Variants in AVEN observed in about 807,000 individuals in gnomAD.
The protein encoded by AVEN is cell death regulator Aven.
A neutral mutation model predicts 38.1 loss-of-function variants in AVEN; 41 were observed. The ratio of observed to expected loss-of-function variants is 1.08; its 90% confidence interval spans 0.84 to 1.40. The LOEUF is 1.40. AVEN is among the 40% of genes most tolerant of loss of function. The pLI, the probability that AVEN is intolerant of heterozygous loss-of-function variation, is 0.00. For synonymous variants in AVEN, 206 were observed against 171.8 expected (o/e 1.20, Z -1.56); for missense variants, 605 against 438.8 (o/e 1.38, Z -3.38).
chr15:33,970,227 A>G (rs571458), intron 2 of AVEN, among the ~76,000 whole-genome samples: 122,321 of 151,860 alleles, frequency 0.81, 54,253 homozygotes, highest in Non-Finnish European at 0.97. Flanking sequence ...ATTTCACTGA[A>G]TTCTTTCCTT....
intron 3 of AVEN, among the ~76,000 whole-genome samples, chr15:33,874,864 T>A (rs1260380232): frequency 6.6e-6 from 1 of 152,212 alleles, no homozygotes; most frequent in Non-Finnish European, 1.5e-5. Flanking sequence ...GGAGATGAAA[T>A]GTAAATTGTT....
chr15:33,863,289 C>A (rs989819914), downstream of AVEN, among the ~76,000 whole-genome samples: 12 of 152,170 alleles, frequency 7.9e-5, no homozygotes, highest in African/African-American at 2.9e-4. Flanking sequence ...AAGAGATTAA[C>A]CCTACTGTCT....
intron 2 of AVEN, among the ~76,000 whole-genome samples, chr15:33,965,863 A>G (rs1360562625): frequency 6.6e-6 from 1 of 152,164 alleles, no homozygotes; most frequent in African/African-American, 2.4e-5. Flanking sequence ...CAGTTCATGT[A>G]GACAACTCCT....
chr15:33,902,624 T>C (rs888085209), intron 2 of AVEN, among the ~76,000 whole-genome samples: 1 of 152,230 alleles, frequency 6.6e-6, no homozygotes, highest in African/African-American at 2.4e-5. Context: ...CCTTTATCTC[T>C]ATCTGGAGAT....
upstream of AVEN, among the ~76,000 whole-genome samples, chr15:34,040,324 C>T (rs528131469): frequency 1.3e-5 from 2 of 152,230 alleles, no homozygotes; most frequent in South Asian, 4.2e-4. Context: ...TATATTTAAA[C>T]GGGTTACCCA....
At chr15:33,937,049 T>G (rs1463541055) in intron 2 of AVEN, among the ~76,000 whole-genome samples, 1 of 140,704 alleles carries the variant, frequency 7.1e-6, no homozygotes, top group African/African-American at 2.7e-5. Flanking sequence ...GAGAATGGCG[T>G]GAACCCAGGA....
Position 33,952,392 on chromosome 15 carries a change from T to G in AVEN, c.445+50640A>C, listed in dbSNP as rs77441643. On this transcript the variant is annotated intron_variant, in intron 2 of 5. Transcript: ENST00000306730. ...ATCCTACTTTATCTGTCTAGATAGA[T>G]GCTTATCCATAATTGGGACACCTGT... Among the ~76,000 whole-genome samples the G allele has an allele frequency of 5.5e-3, 843 of 152,342 alleles. 7 individuals are homozygous for G. The highest frequency in any genetic ancestry group is 0.022 in the East Asian group (116 of 5,192).
intron 2 of AVEN, among the ~76,000 whole-genome samples, chr15:33,987,600 C>T (rs903319156): frequency 6.6e-6 from 1 of 152,174 alleles, no homozygotes; most frequent in Non-Finnish European, 1.5e-5. Context: ...ACCATGAGCT[C>T]CCAAATCTAC....
intron 2 of AVEN, among the ~76,000 whole-genome samples, chr15:33,936,598 T>C (rs529284894): frequency 3.6e-4 from 55 of 152,192 alleles, no homozygotes; most frequent in African/African-American, 1.2e-3. Context: ...ACAAACAAAA[T>C]CTATACATTT....
intron 1 of AVEN, among the ~76,000 whole-genome samples, chr15:34,016,234 C>CA (rs1405756643): frequency 3.3e-5 from 5 of 152,282 alleles, no homozygotes; most frequent in East Asian, 3.9e-4. Context: ...AACTCCATCT[C>CA]AAAAAACAAA....
chr15:33,937,851 G>A (rs1232763517), intron 2 of AVEN, among the ~76,000 whole-genome samples: 5 of 143,522 alleles, frequency 3.5e-5, no homozygotes, highest in African/African-American at 1.3e-4. Flanking sequence ...CCAGAACTGT[G>A]AGAAAATAAA....
At chr15:33,920,696 CATCTCTGG>C (rs1396034440) in intron 2 of AVEN, among the ~76,000 whole-genome samples, 1 of 152,204 alleles carries the variant, frequency 6.6e-6, no homozygotes, top group Non-Finnish European at 1.5e-5. Flanking sequence ...ACACCTGATT[CATCTCTGG>C]ATCTCTGGCA....
downstream of AVEN, among the ~76,000 whole-genome samples, chr15:33,862,357 C>G (rs1489641046): frequency 1.5e-5 from 2 of 134,636 alleles, no homozygotes; most frequent in Admixed American, 7.9e-5. Context: ...AGGTGTACCA[C>G]TAATTTAGCA....
intron 2 of AVEN, among the ~76,000 whole-genome samples, chr15:33,927,773 A>T (rs1893680565): frequency 2.6e-5 from 4 of 152,268 alleles, no homozygotes; most frequent in Admixed American, 2.6e-4. Context: ...TTTCCATTCA[A>T]ACTTCACACT....
rs138798825 is a variant in AVEN at position 34,030,506 on chromosome 15, C to T, written c.267+8274G>A. On this transcript the variant is annotated intron_variant, in intron 1 of 5. Transcript: ENST00000306730. The stretch of plus-strand genomic sequence containing the variant: ...GACTACAGCTGCCTGCCACCTCGCC[C>T]GGCTAATTTTTTTGTATTTTTAGTA... Among the ~76,000 whole-genome samples, 949 of 152,064 alleles carry T rather than the reference C, an allele frequency of 6.2e-3. 19 individuals carry two copies. The highest frequency in any genetic ancestry group is 0.044 in the Admixed American group (668 of 15,276).
chr15:33,968,099 T>TAAAAAA (rs71119906), intron 2 of AVEN, among the ~76,000 whole-genome samples: 9,455 of 25,598 alleles, frequency 0.37, 3,775 homozygotes, highest in Non-Finnish European at 0.57. Context: ...TAGCAAAGCT[T>TAAAAAA]AAAAAAAAAA....
chr15:33,866,389 A>G lies in AVEN; in HGVS notation c.*224T>C, dbSNP rs112162767. 7,481 of 565,664 alleles carry G rather than the reference A, an allele frequency of 0.013. 340 individuals carry two copies. The highest frequency in any genetic ancestry group is 0.11 in the African/African-American group (5,678 of 53,358). 35.0% of individuals were successfully genotyped at this position (565,664 alleles called of 1,614,324 possible). A position where few individuals can be genotyped will look rare whatever the true frequency, so the allele number is the denominator to read the frequency against. ...GGCCAGAGTCTATCTCCTGCCCTTAAGGAAATCTATTAGATTACTAAGCCA... is the reference window on the plus strand; with the variant it reads ...GGCCAGAGTCTATCTCCTGCCCTTAGGGAAATCTATTAGATTACTAAGCCA... On this transcript the variant is annotated 3_prime_UTR_variant, in exon 6 of 6. Coordinates refer to ENST00000306730, the MANE Select transcript of AVEN (RefSeq NM_020371.3).
chr15:33,893,255 T>C (rs1412955017), intron 2 of AVEN, among the ~76,000 whole-genome samples: 3 of 152,232 alleles, frequency 2.0e-5, no homozygotes, highest in Non-Finnish European at 4.4e-5. Context: ...TCCAACACTA[T>C]GTTGAATAGG....
At chr15:33,862,320 C>G (rs550718232), downstream of AVEN, among the ~76,000 whole-genome samples, 1 of 152,098 alleles carries the variant, frequency 6.6e-6, no homozygotes, top group Non-Finnish European at 1.5e-5. Context: ...TCAAGACATC[C>G]GCCTCAGCCT....
Sources: allele counts gnomAD v4.1 joint callset (sites outside exome capture counted in the v4.1 genomes callset), GRCh38; gene constraint gnomAD v4.1.1; transcripts MANE v1.5; gene names NCBI Gene and HGNC (gene_info 2026-07-23, HGNC 2026-07-21).